RNF213: variants seen among roughly 807,000 people sequenced by gnomAD.
The protein encoded by RNF213 is E3 ubiquitin-protein ligase RNF213.
A neutral mutation model predicts 514.4 loss-of-function variants in RNF213; 341 were observed. The ratio of observed to expected loss-of-function variants is 0.66; its 90% CI spans 0.61 to 0.73. The LOEUF is 0.73. Among genes scored for constraint, RNF213 ranks in the 30% least tolerant of loss-of-function variants. RNF213 has a pLI of 0.00. For missense variants in RNF213, 5,767 were observed against 6,615.6 expected, an observed-to-expected ratio of 0.87 and a Z score of 4.45; for synonymous variants, 2,655 against 2,658.2, an observed-to-expected ratio of 1.00 and a Z score of 0.04.
intron 36 of RNF213, among the ~76,000 whole-genome samples, chr17:80,357,092 TTTTTAGTAGAGAC>T (rs2078856747): frequency 6.6e-6 from 1 of 152,084 alleles, no homozygotes; most frequent in Non-Finnish European, 1.5e-5. Context: ...AATTTTTGTA[TTTTTAGTAGAGAC>T]GGGATTTCAC....
At chr17:80,388,279 G>T (rs2080318780) in intron 63 of RNF213, among the ~76,000 whole-genome samples, 1 of 152,240 alleles carries the variant, frequency 6.6e-6, no homozygotes, top group Admixed American at 6.5e-5. Context: ...GTGACTGCCT[G>T]TGCATGGTCT....
chr17:80,337,281 G>A (rs981721525), intron 23 of RNF213, among the ~76,000 whole-genome samples: 10 of 152,182 alleles, frequency 6.6e-5, no homozygotes, highest in Admixed American at 5.9e-4. Flanking sequence ...GCAGGCGGGC[G>A]GCTGCTCATT....
At chr17:80,363,348 T>G (rs766062875) in intron 40 of RNF213, 34 bp downstream of exon 40, 4 of 1,595,040 alleles carry the variant, frequency 2.5e-6, no homozygotes, top group Non-Finnish European at 2.6e-6. Context: ...TGAGCAAGCC[T>G]TGTGGTGCTT....
chr17:80,306,894 G>A lies in RNF213; in HGVS notation c.2428-234G>A, dbSNP rs527564056. 6.6e-5 allele frequency among the ~76,000 whole-genome samples: 10 copies of A among 151,502 alleles called. No homozygotes were observed. In the South Asian group the frequency reaches 1.7e-3, roughly 25 times the overall value. ...GAAGGCGTCTCATGTGATGCACTTC[G>A]TAGCTGCCATTCTTCCTTTCACATT... On this transcript the variant is annotated intron_variant, in intron 12 of 67. Transcript: ENST00000582970.
chr17:80,347,656 C>A lies in RNF213; in HGVS notation c.9321C>A (p.Asn3107Lys). Residue 3107 changes from asparagine to lysine, a missense_variant, in exon 29 of 68, where the codon AAC becomes AAA. Asn to Lys is a moderately conservative substitution (Grantham distance 94, BLOSUM62 0). Coordinates refer to ENST00000582970, the MANE Select transcript of RNF213 (RefSeq NM_001256071.3). This position sits in a 1 kb window ranked among gnomAD's most constrained non-coding sequence, Gnocchi z 7.2. ...GKMVLLLNLQ[N>K]LYESLYDALN... ...TGGTGTTGCTTCTCAACCTGCAGAA[C>A]CTCTACGAGAGCCTCTACGACGCAC... 1 of 1,614,166 alleles carries A rather than the reference C, an allele frequency of 6.2e-7. No individual in the cohort carries two copies. Among genetic ancestry groups the A allele is most frequent in the Non-Finnish European group, 8.5e-7 (1 of 1,180,022 alleles).
chr17:80,372,691 C>T lies in RNF213; in HGVS notation c.12708C>T (p.Leu4236=), dbSNP rs145307523. The change falls in exon 48 of 68, where the codon CTC becomes CTT. Residue 4236 remains leucine (L), a synonymous_variant. Transcript: ENST00000582970. ...AGGTGGCCCGGATCCGCCTCTGCCT[C>T]GACAGAGCTGCAGATTTCCTCTCGG... The part of the protein sequence containing the change: ...LQEVARIRLC[L]DRAADFLSEP... 7.4e-6 allele frequency: 12 copies of T among 1,613,908 alleles called. No homozygotes were observed. In the African/African-American group the frequency reaches 1.1e-4, roughly 14 times the overall value.
intron 65 of RNF213, 43 bp downstream of exon 65, chr17:80,389,410 C>G (rs1407294669): frequency 6.4e-7 from 1 of 1,565,538 alleles, no homozygotes; most frequent in South Asian, 1.1e-5. Context: ...GCCCCTCACC[C>G]TGGTCTCCTG....
chr17:80,357,298 TAAC>T (rs751376950), intron 36 of RNF213, among the ~76,000 whole-genome samples: 18 of 152,210 alleles, frequency 1.2e-4, no homozygotes, highest in African/African-American at 2.7e-4. Flanking sequence ...AAAATATATA[TAAC>T]AACAAAATGT....
intron 14 of RNF213, 54 bp downstream of exon 14, chr17:80,309,225 A>G: frequency 4.4e-6 from 7 of 1,607,196 alleles, no homozygotes; most frequent in Admixed American, 1.7e-5. Flanking sequence ...CGGAATTTCA[A>G]GCAGCCTCAA....
At position 80,348,219 on chromosome 17, in the gene RNF213, C is replaced by G; in HGVS notation, c.9884C>G (p.Ser3295Cys). 1 of 1,614,100 alleles carries G rather than the reference C, an allele frequency of 6.2e-7. No homozygotes were observed. Among genetic ancestry groups the G allele is most frequent in the Admixed American group, 1.7e-5 (1 of 60,036 alleles). Residue 3295 changes from serine to cysteine, a missense_variant, in exon 29 of 68, where the codon TCC becomes TGC. Transcript: ENST00000582970. ...QEYFHRQRHN[S>C]FADFLQAHLH... ...TACTTTCACAGACAGAGGCACAACT[C>G]CTTTGCAGATTTCCTTCAGGCACAC... is the stretch of plus-strand genomic sequence containing the variant.
chr17:80,338,902 C>G (rs532422602), intron 25 of RNF213, among the ~76,000 whole-genome samples: 1 of 148,180 alleles, frequency 6.7e-6, no homozygotes, highest in African/African-American at 2.5e-5. Flanking sequence ...GAGCCGAGAT[C>G]ACACCACTGC....
rs756227605 is a variant in RNF213 at position 80,288,284 on chromosome 17, C to T, written c.731C>T (p.Pro244Leu). ...GATGCTGCCCAGGAGCTCCTGTTGC[C>T]TGAGTCAAAAGGAGGCAGCTCTGAG... is the stretch of plus-strand genomic sequence containing the variant. ...TEDAAQELLL[P>L]ESKGGSSEPG... Residue 244 changes from proline (P) to leucine (L), a missense_variant, in exon 4 of 68, where the codon CCT becomes CTT. Transcript: ENST00000582970. This position sits in a 1 kb window ranked among gnomAD's most constrained non-coding sequence, Gnocchi z 4.9. The T allele has an allele frequency of 6.2e-7, 1 of 1,613,184 alleles. No individual in the cohort carries two copies. Among genetic ancestry groups the T allele is most frequent in the Non-Finnish European group, 8.5e-7 (1 of 1,180,018 alleles).
rs566247892 is a variant in RNF213 at position 80,329,378 on chromosome 17, C to T, written c.3517+901C>T. 2.4e-4 allele frequency among the ~76,000 whole-genome samples: 36 copies of T among 152,376 alleles called. No homozygotes were observed. In the South Asian group the frequency reaches 7.2e-3, roughly 31 times the overall value. ...CCTTCTGAAGTTTCAATGTGCTGCG[C>T]CATCATTGCCTCCACAGTGTGGCTA... On this transcript the variant is annotated intron_variant, in intron 20 of 67. Transcript: ENST00000582970.
chr17:80,296,122 C>G (rs1283238396), intron 10 of RNF213, among the ~76,000 whole-genome samples: 1 of 152,202 alleles, frequency 6.6e-6, no homozygotes, highest in African/African-American at 2.4e-5. Flanking sequence ...CAGGTTTAGG[C>G]AATTCTCCTG....
Position 80,396,053 on chromosome 17 carries a change from G to A in RNF213, c.*2555G>A, listed in dbSNP as rs1027658193. 1 of 152,158 alleles carries A rather than the reference G, an allele frequency of 6.6e-6. No homozygotes were observed. Among genetic ancestry groups the A allele is most frequent in the African/African-American group, 2.4e-5 (1 of 41,404 alleles). The allele number at this position is 152,158 out of a possible 1,614,324, so 9.4% of individuals were successfully genotyped here. A position where few individuals can be genotyped will look rare whatever the true frequency, so the allele number is the denominator to read the frequency against. Reference sequence around the variant, plus strand: ...TTCTTTCTGCTTTCAGCCCTACCTTGGTGGTGATTTACCTGAAAATCTTCA... The same window carrying A: ...TTCTTTCTGCTTTCAGCCCTACCTTAGTGGTGATTTACCTGAAAATCTTCA... On this transcript the variant is annotated 3_prime_UTR_variant, in exon 68 of 68. Coordinates refer to ENST00000582970, the MANE Select transcript of RNF213 (RefSeq NM_001256071.3).
rs541689301 is a variant in RNF213, at chr17:80,290,509, A to G, written c.1113-61A>G. The G allele has an allele frequency of 3.4e-5, 55 of 1,600,826 alleles. No individual in the cohort carries two copies. The African/African-American group carries it at 3.8e-4, about 11-fold the overall frequency. On this transcript the variant is annotated intron_variant, in intron 6 of 67. Coordinates refer to ENST00000582970, the MANE Select transcript of RNF213 (RefSeq NM_001256071.3). ...CACGTGTGTGTGTGCGCGTGTGTGC[A>G]TGCACATGGCAGGTGGACAGATCTC...
At chr17:80,281,637 ACACTCCCCACTCACCCCACT>A (rs2044303742) in intron 3 of RNF213, among the ~76,000 whole-genome samples, 1 of 144,796 alleles carries the variant, frequency 6.9e-6, no homozygotes, top group African/African-American at 2.6e-5. Context: ...CCCCCAACAC[ACACTCCCCACTCACCCCACT>A]CACACACACC....
In RNF213 at chr17:80,376,550, G is replaced by T; in HGVS notation, c.13428+7G>T. ...CTCCCCAGCCACCATGGCGGTAAGA[G>T]TAGGCCACAATTCCATCGGCCTTCA... On this transcript the variant is annotated splice_region_variant and intron_variant, in intron 52 of 67. Transcript: ENST00000582970. 6.2e-7 allele frequency: 1 copy of T among 1,613,982 alleles called. No homozygotes were observed. The highest frequency in any genetic ancestry group is 2.2e-5 in the East Asian group (1 of 44,884).
chr17:80,313,857 A>G (rs1287831056), intron 15 of RNF213, among the ~76,000 whole-genome samples: 2 of 93,504 alleles, frequency 2.1e-5, no homozygotes, highest in East Asian at 6.0e-4. Flanking sequence ...ACTGGAGGTG[A>G]TGGTGGTGGT....
Sources: allele counts gnomAD v4.1 joint callset (sites outside exome capture counted in the v4.1 genomes callset), GRCh38; gene constraint gnomAD v4.1.1; non-coding constraint Gnocchi (gnomAD v3.1); transcripts MANE v1.5; gene names NCBI Gene and HGNC (gene_info 2026-07-23, HGNC 2026-07-21).